MCMDC2: variants seen among roughly 807,000 people sequenced by gnomAD.
MCMDC2 encodes the protein minichromosome maintenance domain containing 2, also known as minichromosome maintenance domain-containing protein 2.
In MCMDC2, 54 loss-of-function variants were observed where a neutral mutation model predicts 75.8. The ratio of observed to expected loss-of-function variants is 0.71; its 90% CI spans 0.57 to 0.89. The LOEUF is 0.89. Ranked by LOEUF, MCMDC2 falls within the 40% of genes least tolerant of loss-of-function variation. MCMDC2 has a pLI of 0.00. For missense variants in MCMDC2, 656 were observed against 780.4 expected (o/e 0.84, Z 1.90); for synonymous variants, 249 against 274.6 (o/e 0.91, Z 0.92).
chr8:66,876,439 T>C (rs1293158503), intron 4 of MCMDC2, among the ~76,000 whole-genome samples: 3 of 152,154 alleles, frequency 2.0e-5, no homozygotes. Flanking sequence ...AACTTTTAAA[T>C]ATATATGGTA....
chr8:66,890,135 C>T lies in MCMDC2; in HGVS notation c.1074-730C>T, dbSNP rs530248102. On this transcript the variant is annotated intron_variant, in intron 9 of 14. Transcript: ENST00000422365. ...AGGCCAGAGTGCAGTGAAGTGATCT[C>T]GGCTCACTGGAATGTCCGCCTCCCG... Among the ~76,000 whole-genome samples the T allele has an allele frequency of 5.9e-5, 9 of 152,188 alleles. No individual in the cohort carries two copies. In the South Asian group the frequency reaches 1.9e-3, roughly 32 times the overall value.
chr8:66,900,008 C>T (rs1195650926), intron 12 of MCMDC2, among the ~76,000 whole-genome samples: 6 of 151,512 alleles, frequency 4.0e-5, no homozygotes, highest in African/African-American at 1.5e-4. Flanking sequence ...TGGTGGCACA[C>T]ACCTGTAGTC....
chr8:66,899,502 GCTTTT>G (rs1321745047), intron 12 of MCMDC2, among the ~76,000 whole-genome samples: 2 of 152,072 alleles, frequency 1.3e-5, no homozygotes, highest in African/African-American at 2.4e-5. Flanking sequence ...ATGTCTCTAT[GCTTTT>G]CTTTTCTTTT....
At chr8:66,884,807 C>T (rs1185837049) in intron 9 of MCMDC2, among the ~76,000 whole-genome samples, 1 of 151,904 alleles carries the variant, frequency 6.6e-6, no homozygotes, top group Non-Finnish European at 1.5e-5. Context: ...GACAGGGTCT[C>T]ACTCTGTCAC....
At chr8:66,874,650 AT>A in intron 4 of MCMDC2, 64 bp downstream of exon 4, 1 of 1,354,128 alleles carries the variant, frequency 7.4e-7, no homozygotes, top group Non-Finnish European at 1.0e-6. Context: ...GTAAAAAAAT[AT>A]TTTTATATTC....
intron 14 of MCMDC2, among the ~76,000 whole-genome samples, chr8:66,911,644 T>TG (rs1813126699): frequency 1.3e-5 from 2 of 152,004 alleles, no homozygotes; most frequent in Non-Finnish European, 2.9e-5. Context: ...GCCAAGATGA[T>TG]GAAACCCTGT....
chr8:66,896,466 C>A, intron 11 of MCMDC2, 130 bp downstream of exon 11: 2 of 833,948 alleles, frequency 2.4e-6, no homozygotes, highest in Admixed American at 3.5e-5. Context: ...ACATGATGAC[C>A]CAGTTGTTTA....
At chr8:66,871,132 G>A (rs904730044) in intron 1 of MCMDC2, among the ~76,000 whole-genome samples, 1 of 151,998 alleles carries the variant, frequency 6.6e-6, no homozygotes, top group Non-Finnish European at 1.5e-5. Context: ...GTCTTTTCCC[G>A]ACTTAATATG....
chr8:66,885,240 G>A, intron 9 of MCMDC2, among the ~76,000 whole-genome samples: 1 of 151,826 alleles, frequency 6.6e-6, no homozygotes, highest in African/African-American at 2.4e-5. Flanking sequence ...GGCTGAGGCA[G>A]GAGAATTGCT....
chr8:66,901,606 A>G, intron 13 of MCMDC2: 1 of 1,135,140 alleles, frequency 8.8e-7, no homozygotes, highest in Non-Finnish European at 1.1e-6. Flanking sequence ...GGAAAAGTGC[A>G]CTGATTTCAA....
chr8:66,880,449 ATGTAT>A (rs1811506502), intron 7 of MCMDC2, among the ~76,000 whole-genome samples: 1 of 152,236 alleles, frequency 6.6e-6, no homozygotes, highest in Non-Finnish European at 1.5e-5. Context: ...AAGTACTTAC[ATGTAT>A]TGTAGACAGG....
At chr8:66,892,728 C>T (rs1456955113) in intron 10 of MCMDC2, among the ~76,000 whole-genome samples, 1 of 152,202 alleles carries the variant, frequency 6.6e-6, no homozygotes, top group Non-Finnish European at 1.5e-5. Context: ...GCCTGGTTTT[C>T]AGGCTTCAGG....
intron 11 of MCMDC2, among the ~76,000 whole-genome samples, 154 bp from the exon 12 acceptor site, chr8:66,896,626 C>T (rs906651500): frequency 6.6e-6 from 1 of 151,772 alleles, no homozygotes; most frequent in Non-Finnish European, 1.5e-5. Flanking sequence ...AAAAAGTTCC[C>T]AGATTATTAA....
chr8:66,880,004 CT>C (rs763431270), intron 7 of MCMDC2, among the ~76,000 whole-genome samples: 31 of 152,312 alleles, frequency 2.0e-4, no homozygotes, highest in Admixed American at 5.2e-4. Flanking sequence ...CAACTTCTAA[CT>C]GTGGAATGGA....
intron 14 of MCMDC2, among the ~76,000 whole-genome samples, chr8:66,908,007 G>A (rs988415146): frequency 3.3e-5 from 5 of 151,882 alleles, no homozygotes; most frequent in African/African-American, 7.3e-5. Flanking sequence ...AATTTTCTCC[G>A]GTTCTGTAGG....
chr8:66,882,073 A>C (rs2130804357), intron 8 of MCMDC2, among the ~76,000 whole-genome samples: 1 of 152,342 alleles, frequency 6.6e-6, no homozygotes, highest in East Asian at 1.9e-4. Context: ...CAGAAGCATG[A>C]TCTTGGGCAG....
downstream of MCMDC2, among the ~76,000 whole-genome samples, chr8:66,923,625 G>A (rs1397043539): frequency 6.6e-6 from 1 of 152,028 alleles, no homozygotes; most frequent in African/African-American, 2.4e-5. Flanking sequence ...GGCCGGACAC[G>A]GTGTCTCCCG....
At chr8:66,898,624 CAAAAA>C (rs1405645692) in intron 12 of MCMDC2, among the ~76,000 whole-genome samples, 2 of 58,612 alleles carry the variant, frequency 3.4e-5, no homozygotes, top group African/African-American at 5.0e-5. Context: ...AACTCCGTCT[CAAAAA>C]AAAAAAAAAA....
In MCMDC2 at chr8:66,901,308, G is replaced by T. The variant is rs762293691; in HGVS notation, c.1729G>T (p.Val577Leu). ...AAGTCGCAGAATCAGAACAGGCTCTGTATGTGGATCAAAGCTGTCAGCATC... is the reference window on the plus strand; with the variant it reads ...AAGTCGCAGAATCAGAACAGGCTCTTTATGTGGATCAAAGCTGTCAGCATC... ...LASRRIRTGS[V>L]CGSKLSASAL... The change falls in exon 13 of 15, where the codon GTA becomes TTA. Residue 577 changes from valine (V) to leucine (L), a missense_variant. By Grantham distance (32) the Val-to-Leu change is conservative (BLOSUM62 1). Coordinates refer to ENST00000422365, the MANE Select transcript of MCMDC2 (RefSeq NM_173518.5). 1 of 1,613,498 alleles carries T rather than the reference G, an allele frequency of 6.2e-7. No individual in the cohort carries two copies. The highest frequency in any genetic ancestry group is 1.1e-5 in the South Asian group (1 of 90,842).
Sources: gnomAD v4.1 joint callset for allele counts (sites outside exome capture counted in the v4.1 genomes callset) on GRCh38, gnomAD v4.1.1 for gene constraint, MANE v1.5 for transcripts, NCBI Gene and HGNC (gene_info 2026-07-23, HGNC 2026-07-21) for gene names.